The following HELZ variants were observed in gnomAD, a reference collection of about 807,000 sequenced individuals.
HELZ encodes the protein ATP-dependent RNA helicase with zinc finger domain.
Under a neutral mutation model 218.2 loss-of-function variants are expected in HELZ, and 23 were observed. The observed-to-expected ratio is 0.11, with a 90% CI of 0.08 to 0.15. The LOEUF (loss-of-function observed/expected upper bound fraction) is 0.15, where lower values mean the gene tolerates loss of function less well. Among genes scored for constraint, HELZ ranks in the 10% least tolerant of loss-of-function variants. The probability of loss-of-function intolerance (pLI) is 1.00; values close to 1 mark genes in which losing one functional copy is unlikely to be tolerated. For missense variants in HELZ, 1,813 were observed against 2,353.7 expected (o/e 0.77, Z 4.75); for synonymous variants, 814 against 829.4 (o/e 0.98, Z 0.32).
At chr17:67,209,033 A>AAGGGAGAGAGGG (rs1555623977) in intron 5 of HELZ, among the ~76,000 whole-genome samples, 41 of 112,502 alleles carry the variant, frequency 3.6e-4, no homozygotes, top group African/African-American at 1.4e-3. Flanking sequence ...GGAAGGGAGG[A>AAGGGAGAGAGGG]AGGGAGGGAG....
At chr17:67,177,245 A>G (rs11079683) in intron 13 of HELZ, among the ~76,000 whole-genome samples, 151,857 of 152,222 alleles carry the variant, frequency 1, 75,746 homozygotes, top group Middle Eastern at 1. Flanking sequence ...GAGCCACCAC[A>G]CCCAGCCTTA....
intron 5 of HELZ, among the ~76,000 whole-genome samples, chr17:67,212,079 T>C (rs2040466370): frequency 6.6e-6 from 1 of 151,710 alleles, no homozygotes; most frequent in Non-Finnish European, 1.5e-5. Context: ...AAGACTATGC[T>C]GTAAGGCCAA....
At chr17:67,183,435 G>A (rs2039666229) in intron 12 of HELZ, among the ~76,000 whole-genome samples, 1 of 152,034 alleles carries the variant, frequency 6.6e-6, no homozygotes, top group South Asian at 2.1e-4. Context: ...TTACTTTTCT[G>A]ATCATGTAAC....
At position 67,183,082 on chromosome 17, in the gene HELZ, C is replaced by T. The variant is rs555367464; in HGVS notation, c.1163-4156G>A. Among the ~76,000 whole-genome samples, 305 of 152,262 alleles carry T rather than the reference C, an allele frequency of 2.0e-3. 1 individual carries two copies. Among genetic ancestry groups the T allele is most frequent in the African/African-American group, 7.1e-3 (296 of 41,562 alleles). ...CTTAGAGAATGAGATGAAATGCTTC[C>T]TAATTCCAAAATCAGATACCACACT... On this transcript the variant is annotated intron_variant, in intron 12 of 32. Transcript: ENST00000358691.
At chr17:67,207,106 T>C (rs1394772898) in intron 5 of HELZ, among the ~76,000 whole-genome samples, 1 of 151,248 alleles carries the variant, frequency 6.6e-6, no homozygotes, top group Non-Finnish European at 1.5e-5. Flanking sequence ...GAGACGGCGG[T>C]TCTCCATGTT....
At chr17:67,190,792 C>A (rs1364227833) in intron 9 of HELZ, among the ~76,000 whole-genome samples, 3 of 152,184 alleles carry the variant, frequency 2.0e-5, no homozygotes, top group Non-Finnish European at 4.4e-5. Context: ...CTCACTGCAA[C>A]CTCTGCCTCC....
chr17:67,186,267 A>C (rs1048074340), intron 12 of HELZ, among the ~76,000 whole-genome samples: 1 of 152,176 alleles, frequency 6.6e-6, no homozygotes, highest in Non-Finnish European at 1.5e-5. Flanking sequence ...ACTATTAACT[A>C]AACGTCTACT....
At chr17:67,083,639 C>G (rs1441686866) in intron 32 of HELZ, among the ~76,000 whole-genome samples, 1 of 152,142 alleles carries the variant, frequency 6.6e-6, no homozygotes, top group Non-Finnish European at 1.5e-5. Context: ...AAAAACAAAA[C>G]AAAACAAACA....
intron 26 of HELZ, among the ~76,000 whole-genome samples, chr17:67,121,684 T>C (rs1295219213): frequency 1.3e-5 from 2 of 152,194 alleles, no homozygotes; most frequent in Non-Finnish European, 2.9e-5. Context: ...GAATTGAAAA[T>C]ACTCGTGTCA....
At chr17:67,154,923 G>C (rs2038794699) in intron 17 of HELZ, among the ~76,000 whole-genome samples, 1 of 152,048 alleles carries the variant, frequency 6.6e-6, no homozygotes, top group Non-Finnish European at 1.5e-5. Context: ...TTCTGATCCT[G>C]GCCTACCTGT....
intron 27 of HELZ, among the ~76,000 whole-genome samples, chr17:67,117,495 T>C (rs1167461333): frequency 6.6e-6 from 1 of 151,990 alleles, no homozygotes; most frequent in African/African-American, 2.4e-5. Context: ...TAAATACTTA[T>C]ATTCATTTAA....
chr17:67,132,780 A>G (rs1283736689), intron 23 of HELZ, among the ~76,000 whole-genome samples: 2 of 152,266 alleles, frequency 1.3e-5, no homozygotes, highest in African/African-American at 4.8e-5. Context: ...AAATACAACA[A>G]AAAAGAATAT....
In HELZ at chr17:67,194,006, C is replaced by T; in HGVS notation, c.518G>A (p.Arg173Lys). 1 of 1,613,706 alleles carries T rather than the reference C, an allele frequency of 6.2e-7. No individual in the cohort carries two copies. The highest frequency in any genetic ancestry group is 8.5e-7 in the Non-Finnish European group (1 of 1,179,900). ...CNGWHFRPPP[R>K]GITSSEEYTL... ...ATATTCCTCGCTGCTTGTGATTCCC[C>T]TAGGTGGTGGGCGGAAATGCCAACC... Residue 173 changes from arginine to lysine, a missense_variant, in exon 9 of 33, where the codon AGG becomes AAG. Physicochemically the swap from Arg to Lys is conservative, Grantham distance 26 (BLOSUM62 2). Transcript: ENST00000358691.
At chr17:67,182,549 T>C (rs937438608) in intron 12 of HELZ, among the ~76,000 whole-genome samples, 1 of 152,158 alleles carries the variant, frequency 6.6e-6, no homozygotes, top group African/African-American at 2.4e-5. Context: ...CTTACAATAA[T>C]AAATCTCAAA....
intron 17 of HELZ, among the ~76,000 whole-genome samples, chr17:67,153,294 C>A (rs138379297): frequency 2.6e-4 from 40 of 152,112 alleles, no homozygotes; most frequent in African/African-American, 9.6e-4. Flanking sequence ...AGCTCGTTCA[C>A]AAGAGGAGAG....
chr17:67,145,111 T>C (rs922390853), intron 21 of HELZ, among the ~76,000 whole-genome samples: 20 of 152,172 alleles, frequency 1.3e-4, no homozygotes, highest in Non-Finnish European at 2.5e-4. Context: ...CCTAATGATA[T>C]GCCATCCTCG....
chr17:67,081,643 T>C (rs919358016), intron 32 of HELZ, among the ~76,000 whole-genome samples: 1 of 138,368 alleles, frequency 7.2e-6, no homozygotes, highest in Admixed American at 7.7e-5. Context: ...GCTCTATGAG[T>C]ATGGCACTCT....
At chr17:67,156,135 AC>A (rs1455053024) in intron 17 of HELZ, among the ~76,000 whole-genome samples, 18 of 151,638 alleles carry the variant, frequency 1.2e-4, no homozygotes, top group Non-Finnish European at 2.1e-4. Context: ...ATTAAAAAAA[AC>A]AAAACATTTT....
intron 31 of HELZ, among the ~76,000 whole-genome samples, chr17:67,105,689 A>G: frequency 6.6e-6 from 1 of 152,336 alleles, no homozygotes; most frequent in Non-Finnish European, 1.5e-5. Flanking sequence ...ACTACTGTTC[A>G]TTATAATCTG....
Sources: allele counts gnomAD v4.1 joint callset (sites outside exome capture counted in the v4.1 genomes callset), GRCh38; gene constraint gnomAD v4.1.1; transcripts MANE v1.5; gene names NCBI Gene and HGNC (gene_info 2026-07-23, HGNC 2026-07-21).